The following LRSAM1 variants were observed in gnomAD, a reference collection of about 807,000 sequenced individuals.
LRSAM1 encodes the protein E3 ubiquitin-protein ligase LRSAM1.
A neutral mutation model predicts 118.1 loss-of-function variants in LRSAM1; 96 were observed. The ratio of observed to expected loss-of-function variants is 0.81; its 90% CI spans 0.69 to 0.96. The LOEUF (loss-of-function observed/expected upper bound fraction) is 0.96. Ranked by LOEUF, LRSAM1 falls within the 40% of genes least tolerant of loss-of-function variation. LRSAM1 has a pLI of 0.00. For missense variants in LRSAM1, 804 were observed against 915.5 expected (o/e 0.88, Z 1.57); for synonymous variants, 322 against 364.2 (o/e 0.88, Z 1.32).
intron 9 of LRSAM1, among the ~76,000 whole-genome samples, chr9:127,466,955 C>T (rs1293273673): frequency 2.6e-5 from 4 of 152,070 alleles, no homozygotes; most frequent in Non-Finnish European, 5.9e-5. Flanking sequence ...AGTGTTCGTG[C>T]CACTGCACTC....
rs768889482 is a variant in LRSAM1, at chr9:127,473,908, T to G, written c.727T>G (p.Ser243Ala). ...DSPDGPTDRF[S>A]REELEWQNRF... is the part of the protein sequence containing the mutation. Reference sequence around the variant, plus strand: ...CCCTGATGGGCCCACGGACAGATTCTCAAGGGAGGAGTTAGAGTGGCAGGT... The same window carrying G: ...CCCTGATGGGCCCACGGACAGATTCGCAAGGGAGGAGTTAGAGTGGCAGGT... The change falls in exon 11 of 26, where the codon TCA becomes GCA. Residue 243 changes from serine (S) to alanine (A), a missense_variant. Coordinates refer to ENST00000300417, the MANE Select transcript of LRSAM1 (RefSeq NM_001005373.4). 9.9e-6 allele frequency: 16 copies of G among 1,614,078 alleles called. No individual in the cohort carries two copies. In the South Asian group the frequency reaches 1.3e-4, roughly 13 times the overall value.
Position 127,497,285 on chromosome 9 carries a change from G to T in LRSAM1, c.1863G>T (p.Glu621Asp), listed in dbSNP as rs1432452443. 2 of 1,613,066 alleles carry T rather than the reference G, an allele frequency of 1.2e-6. No individual in the cohort carries two copies. Among genetic ancestry groups the T allele is most frequent in the Admixed American group, 1.7e-5 (1 of 60,010 alleles). ...TCTCAGAAGCTGGCCTGCAGCACGA[G>T]ATCCTCCGGAGAGTCCAGGAACTGC... ...VGVSEAGLQHEILRRVQELLD... is the reference protein window; with the variant it reads ...VGVSEAGLQHDILRRVQELLD... Residue 621 changes from glutamate to aspartate, a missense_variant, in exon 24 of 26, where the codon GAG becomes GAT. Physicochemically the swap from Glu to Asp is conservative, Grantham distance 45 (BLOSUM62 2). Transcript: ENST00000300417.
At chr9:127,455,731 GC>G in intron 5 of LRSAM1, 111 bp downstream of exon 5, 1 of 1,004,386 alleles carries the variant, frequency 1.0e-6, no homozygotes, top group Non-Finnish European at 1.6e-6. Flanking sequence ...CTTTCTCTCT[GC>G]TTCTTATGCT....
chr9:127,478,377 G>C (rs1835414353), intron 11 of LRSAM1, among the ~76,000 whole-genome samples: 1 of 152,222 alleles, frequency 6.6e-6, no homozygotes, highest in Non-Finnish European at 1.5e-5. Flanking sequence ...GTAGAATCAT[G>C]CTACACACAG....
chr9:127,481,349 T>G, intron 15 of LRSAM1, 122 bp downstream of exon 15: 1 of 956,240 alleles, frequency 1.0e-6, no homozygotes, highest in Non-Finnish European at 1.6e-6. Flanking sequence ...GCCGCCCAGG[T>G]CCAAGCAATT....
chr9:127,461,338 C>G lies in LRSAM1; in HGVS notation c.406+81C>G, dbSNP rs372112782. ...GCCGGGATCCACAGGCTGCCCCGCC[C>G]GGGAGCCATTGAGCAGGAGGGCAGC... On this transcript the variant is annotated intron_variant, in intron 8 of 25. Coordinates refer to ENST00000300417, the MANE Select transcript of LRSAM1 (RefSeq NM_001005373.4). 6 of 1,317,204 alleles carry G rather than the reference C, an allele frequency of 4.6e-6. No individual in the cohort carries two copies. The African/African-American group carries it at 7.3e-5, about 16-fold the overall frequency. 81.6% of individuals were successfully genotyped at this position (1,317,204 alleles called of 1,614,324 possible). A position where few individuals can be genotyped will look rare whatever the true frequency, so the allele number is the denominator to read the frequency against.
intron 4 of LRSAM1, 44 bp from the exon 5 acceptor site, chr9:127,455,532 A>G: frequency 6.2e-7 from 1 of 1,604,944 alleles, no homozygotes; most frequent in Non-Finnish European, 8.5e-7. Flanking sequence ...CAAGCTAAAA[A>G]CTGGCAGGAG....
chr9:127,462,400 G>T (rs367955076), intron 9 of LRSAM1, 27 bp downstream of exon 9: 319 of 1,613,204 alleles, frequency 2.0e-4, no homozygotes, highest in Non-Finnish European at 1.6e-4. Context: ...TCTTGCCTGG[G>T]GTGCTCTCTG....
Position 127,492,812 on chromosome 9 carries a change from C to T in LRSAM1, c.1514C>T (p.Ser505Leu), listed in dbSNP as rs146106537. The T allele has an allele frequency of 5.9e-5, 95 of 1,613,628 alleles. No individual in the cohort carries two copies. Among genetic ancestry groups the T allele is most frequent in the Non-Finnish European group, 7.0e-5 (83 of 1,180,004 alleles). The change falls in exon 21 of 26, where the codon TCG (serine) becomes TTG (leucine). Residue 505 changes from serine (S) to leucine (L), a missense_variant. Coordinates refer to ENST00000300417, the MANE Select transcript of LRSAM1 (RefSeq NM_001005373.4). The part of the protein sequence containing the change: ...LDTESLQEMI[S>L]EQRWALSSLL... Reference sequence around the variant, plus strand: ...TGGTCTTGTTCGCAGGAGATGATCTCGGAGCAGCGCTGGGCCCTCAGCTCC... The same window carrying T: ...TGGTCTTGTTCGCAGGAGATGATCTTGGAGCAGCGCTGGGCCCTCAGCTCC...
chr9:127,478,124 AAATT>A (rs932244386), intron 11 of LRSAM1, among the ~76,000 whole-genome samples: 3 of 152,270 alleles, frequency 2.0e-5, no homozygotes, highest in African/African-American at 7.2e-5. Context: ...CATCAATAAT[AAATT>A]AATTAATTAA....
At chr9:127,489,773 C>T (rs1404468675) in intron 19 of LRSAM1, among the ~76,000 whole-genome samples, 1 of 152,334 alleles carries the variant, frequency 6.6e-6, no homozygotes, top group African/African-American at 2.4e-5. Context: ...CTCCACCACG[C>T]CTGGGCCAGG....
chr9:127,479,983 G>T lies in LRSAM1; in HGVS notation c.1043+5G>T. ...GCTGCTGCAGGACAATCAGAGGTTGGGCTCTGCTCCTCGGCCCCAGCCCCA... is the reference window on the plus strand; with the variant it reads ...GCTGCTGCAGGACAATCAGAGGTTGTGCTCTGCTCCTCGGCCCCAGCCCCA... On this transcript the variant is annotated splice_donor_5th_base_variant and intron_variant, in intron 14 of 25. Transcript: ENST00000300417. 6.2e-7 allele frequency: 1 copy of T among 1,614,196 alleles called. No individual in the cohort carries two copies. The highest frequency in any genetic ancestry group is 8.5e-7 in the Non-Finnish European group (1 of 1,180,044).
At chr9:127,502,733 C>A in intron 25 of LRSAM1, 41 bp from the exon 26 acceptor site, 1 of 1,607,128 alleles carries the variant, frequency 6.2e-7, no homozygotes, top group Non-Finnish European at 8.5e-7. Flanking sequence ...ACTCCTGGAA[C>A]CCGGTAGGGC....
At chr9:127,489,413 C>G (rs1309539264) in intron 18 of LRSAM1, 31 bp from the exon 19 acceptor site, 1 of 1,592,344 alleles carries the variant, frequency 6.3e-7, no homozygotes, top group Non-Finnish European at 8.5e-7. Flanking sequence ...TGGGCACGGC[C>G]CCTGCTGAGG....
At chr9:127,478,300 G>A (rs1258035813) in intron 11 of LRSAM1, among the ~76,000 whole-genome samples, 4 of 152,116 alleles carry the variant, frequency 2.6e-5, no homozygotes, top group Non-Finnish European at 4.4e-5. Flanking sequence ...TGTCCTTCTT[G>A]ACCTTTGACT....
Position 127,467,731 on chromosome 9 carries a change from T to C in LRSAM1, c.529-9T>C. ...CGAACAGTAAAGCGGGTTACCCTTG[T>C]GTCTGCAGATGCTGAGCCTTGACGC... On this transcript the variant is annotated splice_polypyrimidine_tract_variant and intron_variant, in intron 9 of 25. Transcript: ENST00000300417. 6.2e-7 allele frequency: 1 copy of C among 1,608,332 alleles called. No individual in the cohort carries two copies.
At position 127,458,409 on chromosome 9, in the gene LRSAM1, C is replaced by A. The variant is rs895931495; in HGVS notation, c.253-594C>A. Reference sequence around the variant, plus strand: ...GTCTCAAAAACAAAACAAAACAAAACAAAACAAAACAAAAAAAAACACCAG... The same window carrying A: ...GTCTCAAAAACAAAACAAAACAAAAAAAAACAAAACAAAAAAAAACACCAG... On this transcript the variant is annotated intron_variant, in intron 6 of 25. Transcript: ENST00000300417. Among the ~76,000 whole-genome samples, 21 of 148,998 alleles carry A rather than the reference C, an allele frequency of 1.4e-4. 1 individual carries two copies. Among genetic ancestry groups the A allele is most frequent in the African/African-American group, 4.2e-4 (17 of 40,054 alleles).
At chr9:127,478,783 C>G in intron 11 of LRSAM1, 151 bp from the exon 12 acceptor site, 1 of 737,646 alleles carries the variant, frequency 1.4e-6, no homozygotes, top group Non-Finnish European at 2.4e-6. Context: ...AATACGGATC[C>G]CCTCATCCCC....
chr9:127,502,870 C>T lies in LRSAM1; in HGVS notation c.2143C>T (p.Gln715Ter). 1 of 1,608,458 alleles carries T rather than the reference C, an allele frequency of 6.2e-7. No individual in the cohort carries two copies. Among genetic ancestry groups the T allele is most frequent in the Non-Finnish European group, 8.5e-7 (1 of 1,178,138 alleles). Residue 715 changes from glutamine (Q) to a stop codon, truncating the protein, a stop_gained, in exon 26 of 26, where the codon CAG becomes TAG. Coordinates refer to ENST00000300417, the MANE Select transcript of LRSAM1 (RefSeq NM_001005373.4). LOFTEE classifies it high-confidence loss of function. ...TCPLCRQDIA[Q>*]RLRIYHSS ...CCCGCTGTGCCGCCAGGACATCGCC[C>T]AGCGCCTCCGCATCTACCACAGCAG... is the stretch of plus-strand genomic sequence containing the variant.
Sources: gnomAD v4.1 joint callset for allele counts (sites outside exome capture counted in the v4.1 genomes callset) on GRCh38, gnomAD v4.1.1 for gene constraint, MANE v1.5 for transcripts, NCBI Gene and HGNC (gene_info 2026-07-23, HGNC 2026-07-21) for gene names.